PIGK: variants seen among roughly 807,000 people sequenced by gnomAD.
PIGK encodes the protein phosphatidylinositol glycan anchor biosynthesis class K.
In PIGK, 42 loss-of-function variants were observed where a neutral mutation model predicts 50.6. The ratio of observed to expected loss-of-function variants is 0.83; its 90% confidence interval spans 0.65 to 1.07. PIGK has a LOEUF of 1.07. Among genes scored for constraint, PIGK ranks in the 50% least tolerant of loss-of-function variants. PIGK has a pLI of 0.00. For synonymous variants in PIGK, 151 were observed against 156.0 expected (o/e 0.97, Z 0.24); for missense variants, 448 against 488.7 (o/e 0.92, Z 0.78).
At chr1:77,174,766 C>G (rs1557814334) in intron 3 of PIGK, among the ~76,000 whole-genome samples, 1 of 152,134 alleles carries the variant, frequency 6.6e-6, no homozygotes, top group Non-Finnish European at 1.5e-5. Flanking sequence ...TTTCTGAGAT[C>G]TATTTTTCCT....
intron 9 of PIGK, among the ~76,000 whole-genome samples, chr1:77,123,986 C>A (rs75214944): frequency 0.013 from 1,936 of 151,664 alleles, 46 homozygotes; most frequent in African/African-American, 0.044. Context: ...AGAGGAGGAG[C>A]GCAGGACACC....
chr1:77,095,001 T>C (rs1348922162), intron 10 of PIGK, among the ~76,000 whole-genome samples: 1 of 152,214 alleles, frequency 6.6e-6, no homozygotes. Context: ...ATTCACATGA[T>C]AACACTGCAT....
chr1:77,214,771 C>T (rs1656512728), intron 1 of PIGK, among the ~76,000 whole-genome samples: 1 of 152,132 alleles, frequency 6.6e-6, no homozygotes, highest in Non-Finnish European at 1.5e-5. Flanking sequence ...CCACAAAAAA[C>T]TCTTAGAACT....
At chr1:77,140,368 C>T (rs1008551680) in intron 9 of PIGK, among the ~76,000 whole-genome samples, 5 of 151,876 alleles carry the variant, frequency 3.3e-5, no homozygotes, top group African/African-American at 9.7e-5. Flanking sequence ...ACACTTGCTC[C>T]GGTTCTCATT....
intron 9 of PIGK, among the ~76,000 whole-genome samples, chr1:77,133,988 C>T (rs1481407558): frequency 1.3e-5 from 2 of 152,316 alleles, no homozygotes; most frequent in Non-Finnish European, 2.9e-5. Context: ...CAAATTCTCA[C>T]CTATAGCGCA....
At chr1:77,155,737 T>C (rs1453086402) in intron 8 of PIGK, among the ~76,000 whole-genome samples, 2 of 152,114 alleles carry the variant, frequency 1.3e-5, no homozygotes, top group Non-Finnish European at 2.9e-5. Flanking sequence ...AAAAATATTA[T>C]AGGCCTGCCA....
intron 3 of PIGK, among the ~76,000 whole-genome samples, chr1:77,170,045 C>T (rs968882598): frequency 2.0e-5 from 3 of 152,232 alleles, no homozygotes; most frequent in African/African-American, 7.2e-5. Flanking sequence ...TAGCTCCCTA[C>T]CTGGCATCCT....
chr1:77,159,178 C>T (rs912351513), intron 8 of PIGK, among the ~76,000 whole-genome samples: 2 of 152,222 alleles, frequency 1.3e-5, no homozygotes, highest in Middle Eastern at 3.4e-3. Flanking sequence ...CATCTTGGCC[C>T]ATAGCTTCAG....
chr1:77,215,227 C>CA (rs1019215407), intron 1 of PIGK, among the ~76,000 whole-genome samples: 6 of 150,920 alleles, frequency 4.0e-5, no homozygotes, highest in East Asian at 1.9e-4. Context: ...ATGCTAACAG[C>CA]AAAAAAAACC....
chr1:77,092,887 C>A (rs1653330999), intron 10 of PIGK, among the ~76,000 whole-genome samples: 1 of 152,062 alleles, frequency 6.6e-6, no homozygotes, highest in Non-Finnish European at 1.5e-5. Context: ...ATTATATTCC[C>A]AGCACCAACC....
intron 3 of PIGK, among the ~76,000 whole-genome samples, chr1:77,205,081 G>A (rs2100585196): frequency 6.6e-6 from 1 of 152,198 alleles, no homozygotes; most frequent in Admixed American, 6.5e-5. Flanking sequence ...ACATCCTATT[G>A]CTATTGTCTA....
chr1:77,156,357 CCTTT>C (rs1170828870), intron 8 of PIGK, among the ~76,000 whole-genome samples: 1 of 152,158 alleles, frequency 6.6e-6, no homozygotes, highest in Non-Finnish European at 1.5e-5. Flanking sequence ...TGAAGTCACT[CCTTT>C]CTTTTAAGAA....
intron 9 of PIGK, among the ~76,000 whole-genome samples, chr1:77,141,993 C>T (rs1452709189): frequency 6.6e-6 from 1 of 151,856 alleles, no homozygotes; most frequent in Non-Finnish European, 1.5e-5. Flanking sequence ...CAATAAAAGC[C>T]ATAAATAGTT....
chr1:77,141,961 T>C (rs1383012275), intron 9 of PIGK, among the ~76,000 whole-genome samples: 2 of 152,128 alleles, frequency 1.3e-5, no homozygotes, highest in African/African-American at 2.4e-5. Flanking sequence ...CCGTATCATT[T>C]ACCAGGTCCA....
intron 9 of PIGK, chr1:77,129,298 G>A (rs777646940): frequency 8.1e-6 from 13 of 1,602,844 alleles, no homozygotes; most frequent in Admixed American, 1.7e-5. Context: ...CCATTCCGAC[G>A]TTACAATGGT....
rs574591826 is a variant in PIGK at position 77,140,755 on chromosome 1, T to A, written c.986+13694A>T. Among the ~76,000 whole-genome samples, 45 of 152,352 alleles carry A rather than the reference T, an allele frequency of 3.0e-4. No individual in the cohort carries two copies. The East Asian group carries it at 6.4e-3, about 22-fold the overall frequency. The stretch of plus-strand genomic sequence containing the variant: ...ACCATACAAGATTAATTTTAATCAT[T>A]TTCTATGATTTAGAAGATACGTATC... On this transcript the variant is annotated intron_variant, in intron 9 of 10. Coordinates refer to ENST00000370812, the MANE Select transcript of PIGK (RefSeq NM_005482.3).
At chr1:77,147,572 T>C (rs1654799925) in intron 9 of PIGK, among the ~76,000 whole-genome samples, 1 of 152,220 alleles carries the variant, frequency 6.6e-6, no homozygotes, top group African/African-American at 2.4e-5. Context: ...CTGGAGGATA[T>C]CTTCCTAATA....
At chr1:77,096,881 C>CTTTTTTTTTTTTTTTTTTTTT (rs141858558) in intron 10 of PIGK, among the ~76,000 whole-genome samples, 17 of 124,250 alleles carry the variant, frequency 1.4e-4, no homozygotes, top group Non-Finnish European at 1.7e-4. Flanking sequence ...TCGGGTTTTT[C>CTTTTTTTTTTTTTTTTTTTTT]TTTTTTTTTT....
intron 9 of PIGK, among the ~76,000 whole-genome samples, chr1:77,143,148 A>G (rs1318677095): frequency 1.3e-5 from 2 of 152,208 alleles, no homozygotes; most frequent in African/African-American, 4.8e-5. Flanking sequence ...TTTAAAATGG[A>G]ATACACTTTC....
Sources: allele counts gnomAD v4.1 joint callset (sites outside exome capture counted in the v4.1 genomes callset), GRCh38; gene constraint gnomAD v4.1.1; transcripts MANE v1.5; gene names NCBI Gene and HGNC (gene_info 2026-07-23, HGNC 2026-07-21).